ELL: variants seen among roughly 807,000 people sequenced by gnomAD.
The protein encoded by ELL is RNA polymerase II elongation factor ELL.
Under a neutral mutation model 64.0 loss-of-function variants are expected in ELL, and 18 were observed. That is an observed-to-expected ratio of 0.28 (90% CI 0.19 to 0.42). The LOEUF is 0.42. ELL is among the 10% of genes least tolerant of loss of function. ELL has a pLI of 1.00. For missense variants in ELL, 797 were observed against 870.4 expected (o/e 0.92, Z 1.06); for synonymous variants, 399 against 376.2 (o/e 1.06, Z -0.70).
chr19:18,498,457 C>T (rs1294437106), intron 1 of ELL, among the ~76,000 whole-genome samples: 1 of 152,206 alleles, frequency 6.6e-6, no homozygotes, highest in Non-Finnish European at 1.5e-5. Context: ...TGATGCCAGG[C>T]AGCTGCACTC....
At chr19:18,519,491 C>T (rs562829951) in intron 1 of ELL, among the ~76,000 whole-genome samples, 1 of 152,266 alleles carries the variant, frequency 6.6e-6, no homozygotes, top group Non-Finnish European at 1.5e-5. Context: ...TATACTGCCC[C>T]ATGGGCAAGA....
chr19:18,505,554 CA>C (rs1350398772), intron 1 of ELL, among the ~76,000 whole-genome samples: 3 of 152,198 alleles, frequency 2.0e-5, no homozygotes. Context: ...CTCAGTAACG[CA>C]GGCTCCTTAC....
At chr19:18,494,921 TG>T (rs1420784088) in intron 1 of ELL, among the ~76,000 whole-genome samples, 1 of 152,180 alleles carries the variant, frequency 6.6e-6, no homozygotes, top group African/African-American at 2.4e-5. Context: ...TCTAGGCAGA[TG>T]TGATCTCAGA....
intron 10 of ELL, among the ~76,000 whole-genome samples, chr19:18,445,848 C>A (rs1010716929): frequency 2.0e-5 from 3 of 152,060 alleles, no homozygotes; most frequent in South Asian, 2.1e-4. Context: ...CCACAGGAGT[C>A]CTGATTCCCA....
At chr19:18,505,282 G>C (rs1242569208) in intron 1 of ELL, among the ~76,000 whole-genome samples, 2 of 152,206 alleles carry the variant, frequency 1.3e-5, no homozygotes, top group African/African-American at 4.8e-5. Context: ...CAACTAGTTA[G>C]GCTCTTGTTA....
intron 1 of ELL, among the ~76,000 whole-genome samples, chr19:18,473,433 G>A (rs1172501826): frequency 2.0e-5 from 3 of 152,234 alleles, no homozygotes; most frequent in African/African-American, 7.2e-5. Flanking sequence ...AGGTGGGTGA[G>A]CACTGTCTAT....
At chr19:18,485,037 T>C (rs1272157849) in intron 1 of ELL, among the ~76,000 whole-genome samples, 1 of 152,144 alleles carries the variant, frequency 6.6e-6, no homozygotes, top group Non-Finnish European at 1.5e-5. Flanking sequence ...GTTTCTGAGG[T>C]GAATGAGAAC....
intron 1 of ELL, among the ~76,000 whole-genome samples, chr19:18,483,971 T>G (rs919780298): frequency 6.6e-6 from 1 of 152,214 alleles, no homozygotes; most frequent in Non-Finnish European, 1.5e-5. Flanking sequence ...TAACTTTGCC[T>G]TTCCCCCTTA....
At chr19:18,514,874 C>G (rs904084344) in intron 1 of ELL, among the ~76,000 whole-genome samples, 4 of 152,230 alleles carry the variant, frequency 2.6e-5, no homozygotes, top group African/African-American at 9.6e-5. Flanking sequence ...CCTCTGAAAA[C>G]TAGGGTCTCT....
chr19:18,487,698 T>C (rs1975449574), intron 1 of ELL, among the ~76,000 whole-genome samples: 1 of 152,196 alleles, frequency 6.6e-6, no homozygotes, highest in African/African-American at 2.4e-5. Context: ...CAGCACCAAG[T>C]TGTTCCTCTG....
At position 18,461,773 on chromosome 19, in the gene ELL, G is replaced by A. The variant is rs766099690; in HGVS notation, c.549C>T (p.Asn183=). The change falls in exon 5 of 12, where the codon AAC becomes AAT. Residue 183 remains asparagine, a synonymous_variant. Coordinates refer to ENST00000262809, the MANE Select transcript of ELL (RefSeq NM_006532.4). ...VPSRKRATPI[N]LASAIRKSGA... is the part of the protein sequence containing the mutation. ...CACTCTTCCTGATGGCACTCGCCAA[G>A]TTGATGGGGGTTGCCCGCTTCCGGG... 6.2e-7 allele frequency: 1 copy of A among 1,614,132 alleles called. No homozygotes were observed. Among genetic ancestry groups the A allele is most frequent in the South Asian group, 1.1e-5 (1 of 91,092 alleles).
intron 1 of ELL, among the ~76,000 whole-genome samples, chr19:18,495,709 T>C (rs1008184305): frequency 6.6e-6 from 1 of 152,144 alleles, no homozygotes; most frequent in Non-Finnish European, 1.5e-5. Flanking sequence ...CCAGTCCCCC[T>C]GCCCCCTGTA....
At chr19:18,480,990 G>A (rs1439858822) in intron 1 of ELL, among the ~76,000 whole-genome samples, 1 of 152,104 alleles carries the variant, frequency 6.6e-6, no homozygotes, top group African/African-American at 2.4e-5. Flanking sequence ...TATGGAAAAG[G>A]GTTTTTCAGA....
rs551273570 is a variant in ELL, at chr19:18,501,181, AC to A, written c.135+20739del. On this transcript the variant is annotated intron_variant, in intron 1 of 11. Coordinates refer to ENST00000262809, the MANE Select transcript of ELL (RefSeq NM_006532.4). This position sits in a 1 kb window ranked among gnomAD's most constrained non-coding sequence, Gnocchi z 4.5. The stretch of plus-strand genomic sequence containing the variant: ...CACACCTCCAGGGGCCACGTAGACA[AC>A]CTGTGACACAGTGAACCCCACTCCA... Among the ~76,000 whole-genome samples the A allele has an allele frequency of 3.9e-5, 6 of 152,204 alleles. No individual in the cohort carries two copies. In the East Asian group the frequency reaches 1.2e-3, roughly 29 times the overall value.
intron 4 of ELL, among the ~76,000 whole-genome samples, chr19:18,463,059 A>T (rs748823147): frequency 8.2e-4 from 125 of 152,344 alleles, no homozygotes; most frequent in Admixed American, 1.6e-3. Flanking sequence ...TCGGCCGAGC[A>T]AGCTCAACAG....
rs1032395334 is a variant in ELL, at chr19:18,443,970, C to T, written c.*782G>A. ...AAGAAAAGTCTGACGCCGCTGCGGC[C>T]GAGTCTCAACTTGGAGCACAGAAAC... On this transcript the variant is annotated 3_prime_UTR_variant, in exon 12 of 12. Transcript: ENST00000262809. The T allele has an allele frequency of 4.3e-6, 1 of 232,412 alleles. No individual in the cohort carries two copies. The highest frequency in any genetic ancestry group is 5.6e-5 in the Admixed American group (1 of 17,748). 14.4% of individuals were successfully genotyped at this position (232,412 alleles called of 1,614,324 possible).
intron 1 of ELL, among the ~76,000 whole-genome samples, chr19:18,495,504 C>T (rs1975630209): frequency 6.6e-6 from 1 of 152,238 alleles, no homozygotes; most frequent in African/African-American, 2.4e-5. Flanking sequence ...AACTTCCTTG[C>T]TTCAGGCGTC....
chr19:18,476,370 G>A (rs906751911), intron 1 of ELL, among the ~76,000 whole-genome samples: 31 of 152,326 alleles, frequency 2.0e-4, no homozygotes, highest in African/African-American at 6.0e-4. Context: ...GGGTGACAAG[G>A]GACAGGAACC....
intron 11 of ELL, 140 bp from the exon 12 acceptor site, chr19:18,445,008 G>A (rs1488948073): frequency 1.5e-5 from 16 of 1,102,558 alleles, no homozygotes; most frequent in Non-Finnish European, 2.1e-5. Flanking sequence ...GGCAGAGTGG[G>A]AGTTGGTCCC....
Sources: gnomAD v4.1 joint callset for allele counts (sites outside exome capture counted in the v4.1 genomes callset) on GRCh38, gnomAD v4.1.1 for gene constraint, Gnocchi (gnomAD v3.1) non-coding constraint, MANE v1.5 for transcripts, NCBI Gene and HGNC (gene_info 2026-07-23, HGNC 2026-07-21) for gene names.